The following PTPRD variants were observed in gnomAD, a reference collection of about 807,000 sequenced individuals.
PTPRD encodes the protein protein tyrosine phosphatase receptor type D, also known as receptor-type tyrosine-protein phosphatase delta.
Under a neutral mutation model 214.5 loss-of-function variants are expected in PTPRD, and 34 were observed. The ratio of observed to expected loss-of-function variants is 0.16; its 90% CI spans 0.12 to 0.21. The LOEUF is 0.21. Among genes scored for constraint, PTPRD ranks in the 10% least tolerant of loss-of-function variants. The pLI is 1.00. For missense variants in PTPRD, 2,545 were observed against 2,398.7 expected, an observed-to-expected ratio of 1.06 and a Z score of -1.27; for synonymous variants, 1,128 against 845.7, an observed-to-expected ratio of 1.33 and a Z score of -5.79.
At chr9:8,616,693 CCTA>C (rs1439513414) in intron 14 of PTPRD, among the ~76,000 whole-genome samples, 1 of 151,976 alleles carries the variant, frequency 6.6e-6, no homozygotes, top group Non-Finnish European at 1.5e-5. Context: ...CAATAGATAC[CCTA>C]CTTTCAGAGC....
chr9:8,880,324 T>G (rs2098434282), intron 11 of PTPRD, among the ~76,000 whole-genome samples: 1 of 152,164 alleles, frequency 6.6e-6, no homozygotes, highest in African/African-American at 2.4e-5. Flanking sequence ...AAGTTGGTTT[T>G]TCTGAGGAAG....
intron 39 of PTPRD, among the ~76,000 whole-genome samples, chr9:8,349,934 T>G (rs1368236656): frequency 4.7e-5 from 1 of 21,156 alleles, no homozygotes; most frequent in Non-Finnish European, 1.5e-4. Context: ...ACTTTAGTGG[T>G]TTTTTTTTTT....
At chr9:9,972,397 G>C (rs1186540048) in intron 4 of PTPRD, among the ~76,000 whole-genome samples, 1 of 152,156 alleles carries the variant, frequency 6.6e-6, no homozygotes, top group East Asian at 1.9e-4. Flanking sequence ...TAACTGTCAT[G>C]ATAGTGACAG....
chr9:10,054,757 C>A (rs2097592273), intron 3 of PTPRD, among the ~76,000 whole-genome samples: 1 of 152,084 alleles, frequency 6.6e-6, no homozygotes, highest in South Asian at 2.1e-4. Flanking sequence ...AATCCTCCTA[C>A]CTTTTGTTTT....
chr9:10,061,178 G>A (rs1399926809), intron 3 of PTPRD, among the ~76,000 whole-genome samples: 1 of 151,756 alleles, frequency 6.6e-6, no homozygotes, highest in African/African-American at 2.4e-5. Flanking sequence ...ACTCTCCACT[G>A]CTACCCTCCT....
intron 3 of PTPRD, among the ~76,000 whole-genome samples, chr9:10,098,718 G>T (rs1215394985): frequency 1.3e-5 from 2 of 151,606 alleles, no homozygotes; most frequent in African/African-American, 4.8e-5. Flanking sequence ...CTAAATTCAA[G>T]CCTTTAGAAT....
chr9:10,277,806 G>C (rs1041867758), intron 3 of PTPRD, among the ~76,000 whole-genome samples: 2 of 152,114 alleles, frequency 1.3e-5, no homozygotes, highest in Non-Finnish European at 2.9e-5. Context: ...TCCCCAAGGA[G>C]ATTCTGAGGA....
At chr9:9,712,702 AG>A (rs1378107094) in intron 7 of PTPRD, among the ~76,000 whole-genome samples, 1 of 152,200 alleles carries the variant, frequency 6.6e-6, no homozygotes, top group African/African-American at 2.4e-5. Flanking sequence ...AAGTTCTCTT[AG>A]TTTATCCATT....
intron 14 of PTPRD, among the ~76,000 whole-genome samples, chr9:8,596,173 A>T (rs929473148): frequency 1.3e-5 from 2 of 152,170 alleles, no homozygotes; most frequent in African/African-American, 4.8e-5. Context: ...ATAAAATACA[A>T]GAAAAAATAA....
chr9:9,284,756 G>A (rs184517008), intron 9 of PTPRD, among the ~76,000 whole-genome samples: 73 of 151,888 alleles, frequency 4.8e-4, no homozygotes, highest in East Asian at 3.1e-3. Context: ...TCTTATGTTA[G>A]GATCTTGGCT....
At chr9:8,735,615 G>T (rs2090089986) in intron 11 of PTPRD, among the ~76,000 whole-genome samples, 1 of 152,122 alleles carries the variant, frequency 6.6e-6, no homozygotes, top group Non-Finnish European at 1.5e-5. Flanking sequence ...TGAAGCAAAA[G>T]AAAATGGTTC....
chr9:10,585,343 T>C (rs1324279727), intron 2 of PTPRD, among the ~76,000 whole-genome samples: 1 of 152,120 alleles, frequency 6.6e-6, no homozygotes, highest in Non-Finnish European at 1.5e-5. Flanking sequence ...TACTATCTTA[T>C]ACTTCACCTT....
intron 8 of PTPRD, among the ~76,000 whole-genome samples, chr9:9,424,094 A>T (rs997256901): frequency 3.3e-5 from 5 of 152,280 alleles, no homozygotes; most frequent in African/African-American, 1.2e-4. Flanking sequence ...AAGGCTGTTG[A>T]CATCCAGTGA....
At chr9:8,932,435 G>A (rs1346753782) in intron 11 of PTPRD, among the ~76,000 whole-genome samples, 1 of 152,154 alleles carries the variant, frequency 6.6e-6, no homozygotes, top group African/African-American at 2.4e-5. Context: ...TCATTCAGGA[G>A]CAGGTTGTTC....
chr9:9,620,504 A>C (rs2095178901), intron 7 of PTPRD, among the ~76,000 whole-genome samples: 1 of 152,166 alleles, frequency 6.6e-6, no homozygotes, highest in Non-Finnish European at 1.5e-5. Flanking sequence ...ATAAAATATT[A>C]AGCCCTTTCT....
At chr9:10,089,808 G>C (rs1287376712) in intron 3 of PTPRD, among the ~76,000 whole-genome samples, 2 of 151,504 alleles carry the variant, frequency 1.3e-5, no homozygotes, top group Admixed American at 6.6e-5. Flanking sequence ...ACGGGCATCG[G>C]GGCAACCAGA....
intron 10 of PTPRD, among the ~76,000 whole-genome samples, chr9:9,079,888 T>C (rs1313127139): frequency 2.0e-5 from 3 of 152,052 alleles, no homozygotes; most frequent in African/African-American, 7.2e-5. Flanking sequence ...AATACATTGG[T>C]GATGATGTGT....
intron 9 of PTPRD, among the ~76,000 whole-genome samples, chr9:9,243,770 G>C (rs577532707): frequency 2.0e-5 from 3 of 152,142 alleles, no homozygotes. Context: ...ATTCAACATA[G>C]TGTTGGAAGT....
chr9:8,606,097 T>C (rs1447784138), intron 14 of PTPRD, among the ~76,000 whole-genome samples: 1 of 152,108 alleles, frequency 6.6e-6, no homozygotes, highest in East Asian at 1.9e-4. Context: ...CTACATACAA[T>C]TGTGGACAAA....
Sources: allele counts gnomAD v4.1 joint callset (sites outside exome capture counted in the v4.1 genomes callset), GRCh38; gene constraint gnomAD v4.1.1; transcripts MANE v1.5; gene names NCBI Gene and HGNC (gene_info 2026-07-23, HGNC 2026-07-21).